Variants in CDH19 observed in about 807,000 individuals in gnomAD.
CDH19 encodes the protein cadherin-19.
Under a neutral mutation model 64.2 loss-of-function variants are expected in CDH19, and 67 were observed. The observed-to-expected ratio is 1.04, with a 90% CI of 0.86 to 1.28. The LOEUF is 1.28. CDH19 is among the 50% of genes most tolerant of loss of function. The pLI is 0.00. For missense variants in CDH19, 1,030 were observed against 929.0 expected, an observed-to-expected ratio of 1.11 and a Z score of -1.41; for synonymous variants, 346 against 319.3, an observed-to-expected ratio of 1.08 and a Z score of -0.89.
At chr18:66,556,343 T>A (rs1432080490) in intron 3 of CDH19, among the ~76,000 whole-genome samples, 1 of 151,742 alleles carries the variant, frequency 6.6e-6, no homozygotes, top group East Asian at 1.9e-4. Context: ...TTAACTATAG[T>A]CCTCATGTTG....
At position 66,504,877 on chromosome 18, in the gene CDH19, C is replaced by G. The variant is rs199795370; in HGVS notation, c.2254G>C (p.Glu752Gln). Residue 752 changes from glutamate (E) to glutamine (Q), a missense_variant, in exon 12 of 12, where the codon GAG becomes CAG. By Grantham distance (29) the Glu-to-Gln change is conservative (BLOSUM62 2). Transcript: ENST00000262150. ...DQDESYDYLN[E>Q]LGPRFKRLAC... Reference sequence around the variant, plus strand: ...AATCTTTTAAAGCGAGGTCCCAACTCATTAAGGTAATCATAGCTTTCATCC... The same window carrying G: ...AATCTTTTAAAGCGAGGTCCCAACTGATTAAGGTAATCATAGCTTTCATCC... 59 of 1,612,990 alleles carry G rather than the reference C, an allele frequency of 3.7e-5. No individual in the cohort carries two copies. The highest frequency in any genetic ancestry group is 5.0e-5 in the Non-Finnish European group (59 of 1,179,438).
At chr18:66,574,530 T>C (rs934072877) in intron 1 of CDH19, among the ~76,000 whole-genome samples, 5 of 151,352 alleles carry the variant, frequency 3.3e-5, no homozygotes, top group Non-Finnish European at 7.4e-5. Context: ...TGAAGACAAA[T>C]ATAAATCTTC....
At chr18:66,547,095 G>A (rs900526907) in intron 5 of CDH19, among the ~76,000 whole-genome samples, 1 of 152,072 alleles carries the variant, frequency 6.6e-6, no homozygotes, top group Non-Finnish European at 1.5e-5. Flanking sequence ...GAGAACAATG[G>A]TGTAAGCAAA....
At chr18:66,517,193 GAA>G (rs1568174300) in intron 9 of CDH19, among the ~76,000 whole-genome samples, 1 of 151,870 alleles carries the variant, frequency 6.6e-6, no homozygotes, top group Non-Finnish European at 1.5e-5. Flanking sequence ...ATGAGTTCAG[GAA>G]ACTTTTGGAC....
chr18:66,535,134 A>G, intron 7 of CDH19, 27 bp from the exon 8 acceptor site: 2 of 1,367,512 alleles, frequency 1.5e-6, no homozygotes, highest in Non-Finnish European at 2.0e-6. Flanking sequence ...GTATACCTTA[A>G]TATTTTTATT....
rs1984923145 is a variant in CDH19, at chr18:66,501,146, A to G, written c.*3666T>C. On this transcript the variant is annotated 3_prime_UTR_variant, in exon 12 of 12. Transcript: ENST00000262150. ...AAAATAGTCAATGGAAACCAAAAGA[A>G]TTTCTACAAGTCACTAAGTAAAATA... 6.6e-6 allele frequency: 1 copy of G among 152,176 alleles called. No individual in the cohort carries two copies. Among genetic ancestry groups the G allele is most frequent in the Non-Finnish European group, 1.5e-5 (1 of 68,028 alleles). The allele number at this position is 152,176 out of a possible 1,614,324, so 9.4% of individuals were successfully genotyped here. A position where few individuals can be genotyped will look rare whatever the true frequency, so the allele number is the denominator to read the frequency against.
chr18:66,563,726 C>A (rs555387943), intron 3 of CDH19, among the ~76,000 whole-genome samples: 1 of 152,096 alleles, frequency 6.6e-6, no homozygotes, highest in African/African-American at 2.4e-5. Flanking sequence ...AATTACTCTA[C>A]AACCTAAAGT....
chr18:66,528,656 GA>G (rs1986317594), intron 9 of CDH19, among the ~76,000 whole-genome samples: 1 of 151,992 alleles, frequency 6.6e-6, no homozygotes, highest in South Asian at 2.1e-4. Context: ...GTCATTTCAA[GA>G]AATATTGACA....
At chr18:66,579,884 C>T (rs1273068218) in intron 1 of CDH19, among the ~76,000 whole-genome samples, 5 of 151,636 alleles carry the variant, frequency 3.3e-5, no homozygotes, top group Non-Finnish European at 1.5e-5. Flanking sequence ...TATTTTTAGT[C>T]GTGTATACTT....
intron 1 of CDH19, among the ~76,000 whole-genome samples, chr18:66,574,382 G>C (rs1988203101): frequency 6.6e-6 from 1 of 151,412 alleles, no homozygotes; most frequent in Non-Finnish European, 1.5e-5. Context: ...AAGAAATGTT[G>C]AACGTGTTAA....
rs150809243 is a variant in CDH19, at chr18:66,582,551, T to A, written c.-112-10235A>T. 2.7e-4 allele frequency among the ~76,000 whole-genome samples: 41 copies of A among 150,128 alleles called. No individual in the cohort carries two copies. The East Asian group carries it at 7.9e-3, about 29-fold the overall frequency. On this transcript the variant is annotated intron_variant, in intron 1 of 11. Transcript: ENST00000262150. ...ATGTGTCAACTCTTTCTCTAAACAT[T>A]CATTGCACAGCACTAAAATGTGAAA...
chr18:66,539,280 C>T (rs1986795611), intron 7 of CDH19, among the ~76,000 whole-genome samples: 1 of 152,080 alleles, frequency 6.6e-6, no homozygotes. Context: ...TTCTCACTTA[C>T]TGCATGGCCA....
intron 8 of CDH19, among the ~76,000 whole-genome samples, chr18:66,534,220 T>C (rs1986568807): frequency 6.6e-6 from 1 of 152,040 alleles, no homozygotes. Flanking sequence ...ATTTATTCCA[T>C]TGTAACATTT....
rs115241805 is a variant in CDH19 at position 66,579,871 on chromosome 18, C to T, written c.-112-7555G>A. Among the ~76,000 whole-genome samples, 1,213 of 151,880 alleles carry T rather than the reference C, an allele frequency of 8.0e-3. 10 individuals are homozygous for T. The highest frequency in any genetic ancestry group is 0.027 in the African/African-American group (1,136 of 41,482). On this transcript the variant is annotated intron_variant, in intron 1 of 11. Transcript: ENST00000262150. ...TTCTTTCTTGTTATATAAAAACACGCCCTATTTTTAGTCGTGTATACTTGA... is the reference window on the plus strand; with the variant it reads ...TTCTTTCTTGTTATATAAAAACACGTCCTATTTTTAGTCGTGTATACTTGA...
At chr18:66,577,035 A>G (rs764126584) in intron 1 of CDH19, among the ~76,000 whole-genome samples, 5 of 151,742 alleles carry the variant, frequency 3.3e-5, no homozygotes, top group Non-Finnish European at 7.4e-5. Flanking sequence ...ATTGCACACT[A>G]TAAAATACTG....
intron 1 of CDH19, among the ~76,000 whole-genome samples, chr18:66,573,620 C>T (rs1426785039): frequency 9.3e-6 from 1 of 107,016 alleles, no homozygotes; most frequent in Non-Finnish European, 1.9e-5. Flanking sequence ...CAATATTATT[C>T]ATGAAAAAGA....
At chr18:66,518,281 T>G (rs1351161479) in intron 9 of CDH19, among the ~76,000 whole-genome samples, 1 of 152,122 alleles carries the variant, frequency 6.6e-6, no homozygotes, top group Non-Finnish European at 1.5e-5. Flanking sequence ...TCACTCAGGC[T>G]TGAGTGCAAC....
At chr18:66,548,905 G>A (rs1399811190) in intron 5 of CDH19, among the ~76,000 whole-genome samples, 8 of 152,178 alleles carry the variant, frequency 5.3e-5, no homozygotes, top group Non-Finnish European at 1.2e-4. Context: ...ATGTTTCGAT[G>A]TGATAGATAT....
intron 7 of CDH19, among the ~76,000 whole-genome samples, chr18:66,540,312 C>A (rs1407641697): frequency 6.6e-6 from 1 of 151,974 alleles, no homozygotes; most frequent in African/African-American, 2.4e-5. Flanking sequence ...CAAAATATTT[C>A]AAAGTTTGAC....
Sources: gnomAD v4.1 joint callset for allele counts (sites outside exome capture counted in the v4.1 genomes callset) on GRCh38, gnomAD v4.1.1 for gene constraint, MANE v1.5 for transcripts, NCBI Gene and HGNC (gene_info 2026-07-23, HGNC 2026-07-21) for gene names.